Variants in SPHKAP observed in about 807,000 individuals in gnomAD.
SPHKAP encodes the protein A-kinase anchor protein SPHKAP.
SPHKAP carries 67 observed loss-of-function variants against 137.5 expected under a neutral mutation model. The observed-to-expected ratio is 0.49, with a 90% confidence interval of 0.40 to 0.60. The LOEUF is 0.60. Ranked by LOEUF, SPHKAP falls within the 20% of genes least tolerant of loss-of-function variation. The pLI, the probability that SPHKAP is intolerant of heterozygous loss-of-function variation, is 0.00. For synonymous variants in SPHKAP, 813 were observed against 785.3 expected (o/e 1.04, Z -0.59); for missense variants, 2,097 against 2,069.3 (o/e 1.01, Z -0.26).
intron 1 of SPHKAP, among the ~76,000 whole-genome samples, chr2:228,157,885 A>T (rs1700152582): frequency 6.6e-6 from 1 of 152,210 alleles, no homozygotes; most frequent in Non-Finnish European, 1.5e-5. Context: ...AAAAGAAAAA[A>T]AAATGTCACC....
intron 3 of SPHKAP, 105 bp from the exon 4 acceptor site, chr2:228,027,648 C>T (rs1695095853): frequency 3.6e-6 from 4 of 1,122,990 alleles, no homozygotes; most frequent in Non-Finnish European, 5.3e-6. Context: ...GGGAGTCTTC[C>T]ACATCTTAGA....
intron 1 of SPHKAP, among the ~76,000 whole-genome samples, chr2:228,172,334 G>A (rs970414743): frequency 2.0e-5 from 3 of 152,140 alleles, no homozygotes; most frequent in South Asian, 2.1e-4. Context: ...ATGTCTCTAG[G>A]AGAAGCCTAC....
chr2:228,008,319 G>C (rs1049692387), intron 7 of SPHKAP, among the ~76,000 whole-genome samples: 2 of 145,920 alleles, frequency 1.4e-5, no homozygotes, highest in African/African-American at 5.1e-5. Context: ...TTTCCTGCGA[G>C]AGAGTCTTGC....
Position 228,019,637 on chromosome 2 carries a change from C to A in SPHKAP, c.1217G>T (p.Arg406Ile). 6.2e-7 allele frequency: 1 copy of A among 1,614,086 alleles called. No individual in the cohort carries two copies. The highest frequency in any genetic ancestry group is 8.5e-7 in the Non-Finnish European group (1 of 1,179,970). The change falls in exon 7 of 12, where the codon AGA becomes ATA. Residue 406 changes from arginine (R) to isoleucine (I), a missense_variant. Transcript: ENST00000392056. ...AESVLQDAFIRLSQSQSTLPQ... is the reference protein window; with the variant it reads ...AESVLQDAFIILSQSQSTLPQ... ...TAATGTGGACTGAGATTGAGATAAT[C>A]TAATAAATGCATCCTGCAGCACGGA...
chr2:228,015,123 A>G (rs1162102840), intron 7 of SPHKAP, among the ~76,000 whole-genome samples: 1 of 130,050 alleles, frequency 7.7e-6, no homozygotes, highest in Non-Finnish European at 1.5e-5. Context: ...TCCTGTGTCC[A>G]TGTGTTCTCA....
chr2:228,117,352 G>A (rs1698745098), intron 2 of SPHKAP, among the ~76,000 whole-genome samples: 1 of 152,104 alleles, frequency 6.6e-6, no homozygotes. Flanking sequence ...TAGAGGAGCA[G>A]TAAAATAAAG....
At chr2:228,149,760 T>A (rs560790542) in intron 1 of SPHKAP, among the ~76,000 whole-genome samples, 1 of 152,314 alleles carries the variant, frequency 6.6e-6, no homozygotes, top group East Asian at 1.9e-4. Context: ...AAATTATTTA[T>A]GTAAATTTTC....
In SPHKAP at chr2:228,111,317, G is replaced by T. The variant is rs114049798; in HGVS notation, c.139-2378C>A. Among the ~76,000 whole-genome samples the T allele has an allele frequency of 7.8e-3, 1,182 of 152,208 alleles. 13 individuals are homozygous for T. Among genetic ancestry groups the T allele is most frequent in the African/African-American group, 0.027 (1,103 of 41,534 alleles). The stretch of plus-strand genomic sequence containing the variant: ...TCAGTTTCCACAGCTGTGAATGCAG[G>T]TACTACTCATCTGGTGGGATCACTG... On this transcript the variant is annotated intron_variant, in intron 2 of 11. Coordinates refer to ENST00000392056, the MANE Select transcript of SPHKAP (RefSeq NM_001142644.2).
rs887211363 is a variant in SPHKAP at position 228,018,399 on chromosome 2, T to C, written c.2455A>G (p.Arg819Gly). The change falls in exon 7 of 12, where the codon AGA becomes GGA. Residue 819 changes from arginine (R) to glycine (G), a missense_variant. By Grantham distance (125) the Arg-to-Gly change is moderately radical. Transcript: ENST00000392056. The part of the protein sequence containing the change: ...TLQSQLSRSH[R>G]VPDSSTATTS... ...GTAGCAGTTGAAGAATCGGGCACTC[T>C]GTGACTACGTGATAATTGTGACTGC... 1.2e-6 allele frequency: 2 copies of C among 1,614,110 alleles called. No individual in the cohort carries two copies. Among genetic ancestry groups the C allele is most frequent in the Non-Finnish European group, 1.7e-6 (2 of 1,179,978 alleles).
intron 2 of SPHKAP, among the ~76,000 whole-genome samples, chr2:228,124,477 T>G (rs1399792462): frequency 2.7e-5 from 4 of 148,680 alleles, no homozygotes; most frequent in Non-Finnish European, 1.5e-5. Flanking sequence ...GCAAACTATC[T>G]CAAGGACAAA....
intron 7 of SPHKAP, among the ~76,000 whole-genome samples, chr2:228,012,163 CAAAAAA>C (rs544782857): frequency 1.2e-5 from 1 of 84,916 alleles, no homozygotes. Flanking sequence ...GACTCTACCT[CAAAAAA>C]AAAAAAAAAA....
At chr2:228,016,280 T>C in intron 7 of SPHKAP, 126 bp downstream of exon 7, 1 of 1,451,050 alleles carries the variant, frequency 6.9e-7, no homozygotes, top group Non-Finnish European at 9.0e-7. Flanking sequence ...TTTTTTTTTT[T>C]TTTGGTCTTG....
intron 3 of SPHKAP, among the ~76,000 whole-genome samples, chr2:228,079,871 C>T (rs1366775640): frequency 6.6e-6 from 1 of 152,224 alleles, no homozygotes; most frequent in Non-Finnish European, 1.5e-5. Context: ...CACAGGCCAG[C>T]CAGCCCCTAA....
Position 228,167,737 on chromosome 2 carries a change from C to T in SPHKAP, c.32+13830G>A, listed in dbSNP as rs562511552. Among the ~76,000 whole-genome samples, 19 of 152,034 alleles carry T rather than the reference C, an allele frequency of 1.2e-4. 1 individual carries two copies. The South Asian group carries it at 3.7e-3, about 30-fold the overall frequency. ...CTGAATTCTTTTTATGTTCTTAGTT[C>T]AAAATTATAGGCTTGTAGGACAAAA... On this transcript the variant is annotated intron_variant, in intron 1 of 11. Transcript: ENST00000392056.
Position 228,018,373 on chromosome 2 carries a change from T to A in SPHKAP, c.2481A>T (p.Thr827=). ...SHRVPDSSTA[T]TSSKEIYLKG... is the part of the protein sequence containing the mutation. The stretch of plus-strand genomic sequence containing the variant: ...TCAGATATATTTCCTTGGAGGATGT[T>A]GTAGCAGTTGAAGAATCGGGCACTC... Residue 827 remains threonine (T), a synonymous_variant, in exon 7 of 12, where the codon ACA becomes ACT. Transcript: ENST00000392056. 6.2e-7 allele frequency: 1 copy of A among 1,614,214 alleles called. No homozygotes were observed. Among genetic ancestry groups the A allele is most frequent in the Non-Finnish European group, 8.5e-7 (1 of 1,180,024 alleles).
At chr2:228,028,347 T>C (rs1262264141) in intron 3 of SPHKAP, among the ~76,000 whole-genome samples, 1 of 152,278 alleles carries the variant, frequency 6.6e-6, no homozygotes, top group South Asian at 2.1e-4. Flanking sequence ...TAGTTCATTT[T>C]ACTTTATTTA....
At chr2:228,078,184 T>C (rs1432161328) in intron 3 of SPHKAP, among the ~76,000 whole-genome samples, 1 of 152,148 alleles carries the variant, frequency 6.6e-6, no homozygotes, top group Non-Finnish European at 1.5e-5. Flanking sequence ...AATGGACTAA[T>C]AAAAGAGACC....
chr2:228,079,625 C>T (rs1331057886), intron 3 of SPHKAP, among the ~76,000 whole-genome samples: 1 of 152,234 alleles, frequency 6.6e-6, no homozygotes, highest in African/African-American at 2.4e-5. Context: ...CAGGGCCATT[C>T]CAGTGCCTGA....
At chr2:228,143,664 C>CTTTT (rs35440451) in intron 1 of SPHKAP, among the ~76,000 whole-genome samples, 58 of 97,420 alleles carry the variant, frequency 6.0e-4, no homozygotes, top group Admixed American at 1.2e-3. Flanking sequence ...AAACACCTGG[C>CTTTT]TTTTTTTTTT....
Sources: allele counts gnomAD v4.1 joint callset (sites outside exome capture counted in the v4.1 genomes callset), GRCh38; gene constraint gnomAD v4.1.1; transcripts MANE v1.5; gene names NCBI Gene and HGNC (gene_info 2026-07-23, HGNC 2026-07-21).